Variants in CFAP92 observed in about 807,000 individuals in gnomAD.
CFAP92 encodes cilia and flagella associated protein 92 (putative).
Under a neutral mutation model 106.3 loss-of-function variants are expected in CFAP92, and 86 were observed. The ratio of observed to expected loss-of-function variants is 0.81; its 90% CI spans 0.68 to 0.97. The LOEUF (loss-of-function observed/expected upper bound fraction) is 0.97. Among genes scored for constraint, CFAP92 ranks in the 50% least tolerant of loss-of-function variants. The probability of loss-of-function intolerance (pLI) is 0.00; values close to 1 mark genes in which losing one functional copy is unlikely to be tolerated. For missense variants in CFAP92, 1,204 were observed against 1,283.8 expected, an observed-to-expected ratio of 0.94 and a Z score of 0.95; for synonymous variants, 477 against 506.4, an observed-to-expected ratio of 0.94 and a Z score of 0.78.
At chr3:128,932,595 A>T (rs1938519779) in intron 12 of CFAP92, 105 bp downstream of exon 12, 1 of 1,172,638 alleles carries the variant, frequency 8.5e-7, no homozygotes, top group Non-Finnish European at 1.2e-6. Flanking sequence ...AGGCACGACC[A>T]GAGGCAAATG....
intron 10 of CFAP92, among the ~76,000 whole-genome samples, chr3:128,943,120 T>G (rs1273667064): frequency 2.0e-5 from 3 of 151,910 alleles, no homozygotes; most frequent in Non-Finnish European, 4.4e-5. Flanking sequence ...GGGGTTTCAC[T>G]TGTTGGTCAG....
At chr3:128,951,524 A>G (rs1245700518) in intron 9 of CFAP92, among the ~76,000 whole-genome samples, 1 of 152,152 alleles carries the variant, frequency 6.6e-6, no homozygotes, top group Non-Finnish European at 1.5e-5. Context: ...AAAAATACAA[A>G]GACTTTGAAA....
intron 12 of CFAP92, among the ~76,000 whole-genome samples, chr3:128,923,224 A>G (rs1026110304): frequency 6.6e-6 from 1 of 152,218 alleles, no homozygotes; most frequent in Non-Finnish European, 1.5e-5. Context: ...GAGGGACCCA[A>G]CCATGGAGGG....
chr3:128,933,253 TG>T (rs1343456410), intron 11 of CFAP92, among the ~76,000 whole-genome samples: 1 of 152,200 alleles, frequency 6.6e-6, no homozygotes, highest in Non-Finnish European at 1.5e-5. Flanking sequence ...TCTGTTCCTG[TG>T]TCCTTAGCCA....
Position 128,935,108 on chromosome 3 carries a change from G to T in CFAP92, c.2453+17C>A. 6.7e-7 allele frequency: 1 copy of T among 1,502,156 alleles called. No homozygotes were observed. The highest frequency in any genetic ancestry group is 8.9e-7 in the Non-Finnish European group (1 of 1,126,696). 93.1% of individuals were successfully genotyped at this position (1,502,156 alleles called of 1,614,324 possible). A position where few individuals can be genotyped will look rare whatever the true frequency, so the allele number is the denominator to read the frequency against. On this transcript the variant is annotated intron_variant, in intron 11 of 15. Coordinates refer to ENST00000645291, the MANE Select transcript of CFAP92 (RefSeq NM_001394090.1). ...CCCGCCGGGGCGCAGGACCACATGCGAGCTGCCACTGCCCACCTGGCTAGA... is the reference window on the plus strand; with the variant it reads ...CCCGCCGGGGCGCAGGACCACATGCTAGCTGCCACTGCCCACCTGGCTAGA...
At chr3:128,963,473 G>A (rs1040003809) in intron 9 of CFAP92, among the ~76,000 whole-genome samples, 14 of 152,064 alleles carry the variant, frequency 9.2e-5, no homozygotes, top group African/African-American at 2.7e-4. Flanking sequence ...TCTGCTCCCC[G>A]GCTCCTTCAG....
rs182198631 is a variant in CFAP92 at position 128,919,041 on chromosome 3, G to A, written c.2752-2770C>T. Among the ~76,000 whole-genome samples, 33 of 145,968 alleles carry A rather than the reference G, an allele frequency of 2.3e-4. No homozygotes were observed. The East Asian group carries it at 5.9e-3, about 26-fold the overall frequency. On this transcript the variant is annotated intron_variant, in intron 12 of 15. Transcript: ENST00000645291. ...TGGCTTACTACAACCTCCGCCTCCC[G>A]AGATGAAGTGATTCTCCTGCCTCAG... is the stretch of plus-strand genomic sequence containing the variant.
intron 2 of CFAP92, chr3:128,991,681 T>C: frequency 1.3e-6 from 1 of 790,822 alleles, no homozygotes; most frequent in Non-Finnish European, 1.6e-6. Context: ...ATTTTAGGCC[T>C]CAGCCGGCCT....
chr3:128,921,189 C>T lies in CFAP92; in HGVS notation c.2752-4918G>A, dbSNP rs570170586. On this transcript the variant is annotated intron_variant, in intron 12 of 15. Coordinates refer to ENST00000645291, the MANE Select transcript of CFAP92 (RefSeq NM_001394090.1). ...ACAGCCTGGAGTTGGGTCTGATCAC[C>T]CCAACATTCCTGGCGCCCAATATGA... 2.0e-5 allele frequency among the ~76,000 whole-genome samples: 3 copies of T among 152,234 alleles called. No individual in the cohort carries two copies. In the South Asian group the frequency reaches 6.2e-4, roughly 32 times the overall value.
At chr3:128,953,480 ACTC>A (rs1184470516) in intron 9 of CFAP92, among the ~76,000 whole-genome samples, 1 of 151,942 alleles carries the variant, frequency 6.6e-6, no homozygotes, top group Non-Finnish European at 1.5e-5. Context: ...ACGCCACTGC[ACTC>A]CAGCCAGGGC....
the CFAP92 span, among the ~76,000 whole-genome samples, chr3:129,022,575 G>A: frequency 3.9e-4 from 60 of 152,310 alleles, no homozygotes; most frequent in African/African-American, 1.1e-3. Flanking sequence ...AGGCTCACCC[G>A]GCCTCCGGAT....
At chr3:128,933,574 G>A (rs995027939) in intron 11 of CFAP92, among the ~76,000 whole-genome samples, 2 of 152,228 alleles carry the variant, frequency 1.3e-5, no homozygotes, top group African/African-American at 4.8e-5. Flanking sequence ...AGTCCACTGT[G>A]CGGTAGGTGC....
intron 12 of CFAP92, among the ~76,000 whole-genome samples, chr3:128,925,129 T>A (rs1937564259): frequency 6.6e-6 from 1 of 152,214 alleles, no homozygotes; most frequent in Non-Finnish European, 1.5e-5. Flanking sequence ...GTTTCCAACC[T>A]TTTTGGCACC....
chr3:128,970,977 ATCT>A (rs1472697170), intron 8 of CFAP92: 2 of 429,312 alleles, frequency 4.7e-6, no homozygotes, highest in Non-Finnish European at 8.3e-6. Context: ...TAAAAGCAGC[ATCT>A]TCTTAACAAA....
At chr3:128,978,222 C>A (rs1943287719) in intron 4 of CFAP92, 37 bp from the exon 5 acceptor site, 2 of 1,596,804 alleles carry the variant, frequency 1.3e-6, no homozygotes, top group Non-Finnish European at 1.7e-6. Flanking sequence ...TTGACTCAAT[C>A]AATCCAAAAT....
intron 10 of CFAP92, among the ~76,000 whole-genome samples, chr3:128,942,420 T>C (rs1939727885): frequency 2.0e-5 from 3 of 152,342 alleles, no homozygotes; most frequent in South Asian, 4.1e-4. Context: ...TGCACAGGTA[T>C]GGCAGGCTGG....
At chr3:129,003,921 G>A (rs1299097117), upstream of CFAP92, 7 of 1,367,704 alleles carry the variant, frequency 5.1e-6, no homozygotes, top group Admixed American at 1.4e-4. Flanking sequence ...GGGCGGCTGC[G>A]CCGTGGCCAG....
upstream of CFAP92, chr3:129,003,766 C>A: frequency 1.4e-6 from 2 of 1,391,894 alleles, no homozygotes; most frequent in South Asian, 1.5e-5. Flanking sequence ...GGCACTTACC[C>A]CCTGCCCCTG....
chr3:128,977,990 C>T, intron 5 of CFAP92, 55 bp downstream of exon 5: 2 of 1,608,294 alleles, frequency 1.2e-6, no homozygotes, highest in East Asian at 4.5e-5. Context: ...CACACAACCG[C>T]TTTCCCTGCC....
Sources: allele counts gnomAD v4.1 joint callset (sites outside exome capture counted in the v4.1 genomes callset), GRCh38; gene constraint gnomAD v4.1.1; transcripts MANE v1.5; gene names NCBI Gene and HGNC (gene_info 2026-07-23, HGNC 2026-07-21).